Variants in MACROD2 observed in about 807,000 individuals in gnomAD.
MACROD2 encodes the protein ADP-ribose glycohydrolase MACROD2.
In MACROD2, 36 loss-of-function variants were observed where a neutral mutation model predicts 70.4. The ratio of observed to expected loss-of-function variants is 0.51; its 90% CI spans 0.39 to 0.68. The LOEUF (loss-of-function observed/expected upper bound fraction) is 0.68. MACROD2 is among the 30% of genes least tolerant of loss of function. The probability of loss-of-function intolerance (pLI) is 0.00; values close to 1 mark genes in which losing one functional copy is unlikely to be tolerated. For synonymous variants in MACROD2, 172 were observed against 178.8 expected (o/e 0.96, Z 0.30); for missense variants, 496 against 538.4 (o/e 0.92, Z 0.78).
At chr20:15,435,406 A>G (rs1464098894) in intron 7 of MACROD2, among the ~76,000 whole-genome samples, 1 of 152,136 alleles carries the variant, frequency 6.6e-6, no homozygotes, top group African/African-American at 2.4e-5. Flanking sequence ...CACACACAAA[A>G]GAATTGTTAG....
chr20:14,083,164 G>T (rs556970311), intron 2 of MACROD2, among the ~76,000 whole-genome samples: 1 of 150,774 alleles, frequency 6.6e-6, no homozygotes, highest in East Asian at 2.0e-4. Context: ...AGGTGTGGTG[G>T]CTCGCGCTTG....
In MACROD2 at chr20:14,553,029, CT is replaced by C. The variant is rs757363767; in HGVS notation, c.301+59527del. 1.7e-4 allele frequency among the ~76,000 whole-genome samples: 26 copies of C among 152,000 alleles called. No individual in the cohort carries two copies. In the East Asian group the frequency reaches 5.0e-3, roughly 29 times the overall value. ...ATAAATTAACTATAGCTTATTGTAA[CT>C]TTTTTATGTTATATACTTTTAATTA... On this transcript the variant is annotated intron_variant, in intron 4 of 17. Transcript: ENST00000684519.
At chr20:14,405,431 T>A (rs1481026815) in intron 3 of MACROD2, among the ~76,000 whole-genome samples, 2 of 152,178 alleles carry the variant, frequency 1.3e-5, no homozygotes, top group African/African-American at 2.4e-5. Flanking sequence ...GTTAGAAATA[T>A]CCTATAGGCA....
chr20:15,084,068 T>TGTTGTTTTTTTTTTTG (rs1555780867), intron 5 of MACROD2, among the ~76,000 whole-genome samples: 2 of 57,800 alleles, frequency 3.5e-5, no homozygotes, highest in African/African-American at 6.4e-5. Context: ...GGTTTTTTTT[T>TGTTGTTTTTTTTTTTG]TTTGTTTTTT....
intron 5 of MACROD2, among the ~76,000 whole-genome samples, chr20:14,897,860 C>T (rs577178849): frequency 7.9e-5 from 12 of 152,230 alleles, no homozygotes; most frequent in African/African-American, 2.9e-4. Flanking sequence ...GCCGTCTTCT[C>T]ATTGTACCCT....
At chr20:15,193,263 CAAATT>C (rs2076583683) in intron 5 of MACROD2, among the ~76,000 whole-genome samples, 1 of 152,100 alleles carries the variant, frequency 6.6e-6, no homozygotes, top group African/African-American at 2.4e-5. Flanking sequence ...AAATCTATAT[CAAATT>C]AACTTGGCAG....
intron 5 of MACROD2, among the ~76,000 whole-genome samples, chr20:14,718,406 A>G (rs183293134): frequency 2.6e-5 from 4 of 152,124 alleles, no homozygotes; most frequent in Admixed American, 1.3e-4. Flanking sequence ...TGTGATTCAA[A>G]CATCAGTTGT....
chr20:14,209,064 T>C (rs2081549211), intron 3 of MACROD2, among the ~76,000 whole-genome samples: 1 of 152,216 alleles, frequency 6.6e-6, no homozygotes, highest in Non-Finnish European at 1.5e-5. Flanking sequence ...AAGGATTATA[T>C]AGCAAATGTT....
intron 12 of MACROD2, 126 bp downstream of exon 12, chr20:15,937,670 A>G (rs1568654145): frequency 2.7e-6 from 2 of 751,562 alleles, no homozygotes; most frequent in Non-Finnish European, 4.5e-6. Context: ...CTCTGTTTCC[A>G]ATATAATTGA....
chr20:15,947,305 A>C (rs1017679636), intron 12 of MACROD2, among the ~76,000 whole-genome samples: 1 of 152,156 alleles, frequency 6.6e-6, no homozygotes, highest in Non-Finnish European at 1.5e-5. Flanking sequence ...ACTTCAGACT[A>C]TCACATGGGG....
chr20:14,281,590 TCTGTA>T (rs1235430709), intron 3 of MACROD2, among the ~76,000 whole-genome samples: 2 of 152,152 alleles, frequency 1.3e-5, no homozygotes, highest in African/African-American at 4.8e-5. Flanking sequence ...TCAGATGAAT[TCTGTA>T]CTTTACAATG....
At chr20:15,907,805 A>G (rs538340534) in intron 10 of MACROD2, among the ~76,000 whole-genome samples, 11 of 152,302 alleles carry the variant, frequency 7.2e-5, no homozygotes, top group African/African-American at 2.6e-4. Flanking sequence ...AGAGGTCAGG[A>G]AGAATTTTAA....
chr20:14,203,514 T>C (rs1335001475), intron 3 of MACROD2, among the ~76,000 whole-genome samples: 1 of 152,236 alleles, frequency 6.6e-6, no homozygotes, highest in Non-Finnish European at 1.5e-5. Context: ...CATTTATTTC[T>C]TCCAATTTCA....
chr20:14,254,606 C>T (rs770390550), intron 3 of MACROD2, among the ~76,000 whole-genome samples: 11 of 152,006 alleles, frequency 7.2e-5, no homozygotes, highest in Non-Finnish European at 1.2e-4. Context: ...GTTTTCCCTA[C>T]GAAATACTAA....
At chr20:15,947,792 C>G (rs956176194) in intron 12 of MACROD2, among the ~76,000 whole-genome samples, 4 of 152,076 alleles carry the variant, frequency 2.6e-5, no homozygotes, top group Admixed American at 6.6e-5. Context: ...TAATTGAGAG[C>G]CTTGCATAAA....
intron 15 of MACROD2, among the ~76,000 whole-genome samples, chr20:16,037,099 TACTGTGGC>T (rs2067246599): frequency 6.6e-6 from 1 of 152,000 alleles, no homozygotes; most frequent in Non-Finnish European, 1.5e-5. Context: ...TCTATGCCAA[TACTGTGGC>T]ACAACCTGAG....
chr20:15,673,538 A>G (rs146661407), intron 8 of MACROD2, among the ~76,000 whole-genome samples: 9 of 152,328 alleles, frequency 5.9e-5, no homozygotes, highest in African/African-American at 1.7e-4. Context: ...AAAAATTTTA[A>G]AAGCTTGCTA....
chr20:14,993,629 G>A (rs2074925328), intron 5 of MACROD2, among the ~76,000 whole-genome samples: 1 of 152,020 alleles, frequency 6.6e-6, no homozygotes, highest in South Asian at 2.1e-4. Flanking sequence ...GAAAATAAAT[G>A]TTGTGATATT....
At position 14,581,867 on chromosome 20, in the gene MACROD2, A is replaced by T. The variant is rs555046121; in HGVS notation, c.301+88359A>T. ...GTCAGGTAGTCCAGTGCATCCTTATACCTGATTCAGTTCTTGGCCAATATG... is the reference window on the plus strand; with the variant it reads ...GTCAGGTAGTCCAGTGCATCCTTATTCCTGATTCAGTTCTTGGCCAATATG... On this transcript the variant is annotated intron_variant, in intron 4 of 17. Transcript: ENST00000684519. Among the ~76,000 whole-genome samples the T allele has an allele frequency of 1.7e-4, 26 of 152,218 alleles. No individual in the cohort carries two copies. The South Asian group carries it at 5.4e-3, about 32-fold the overall frequency.
Sources: gnomAD v4.1 joint callset for allele counts (sites outside exome capture counted in the v4.1 genomes callset) on GRCh38, gnomAD v4.1.1 for gene constraint, MANE v1.5 for transcripts, NCBI Gene and HGNC (gene_info 2026-07-23, HGNC 2026-07-21) for gene names.